KHDRBS2: variants seen among roughly 807,000 people sequenced by gnomAD.
The protein encoded by KHDRBS2 is KH domain-containing, RNA-binding, signal transduction-associated protein 2.
KHDRBS2 carries 26 observed loss-of-function variants against 44.3 expected under a neutral mutation model. That is an observed-to-expected ratio of 0.59 (90% CI 0.43 to 0.81). KHDRBS2 has a LOEUF of 0.81. Ranked by LOEUF, KHDRBS2 falls within the 40% of genes least tolerant of loss-of-function variation. The pLI is 0.00. For synonymous variants in KHDRBS2, 194 were observed against 151.1 expected (o/e 1.28, Z -2.08); for missense variants, 476 against 433.1 (o/e 1.10, Z -0.88).
intron 3 of KHDRBS2, among the ~76,000 whole-genome samples, chr6:62,013,067 T>A (rs920874297): frequency 6.6e-5 from 10 of 152,188 alleles, no homozygotes; most frequent in Admixed American, 6.5e-4. Context: ...GCTTCTTCAC[T>A]GTAAAAATAT....
intron 1 of KHDRBS2, among the ~76,000 whole-genome samples, chr6:62,212,828 T>C (rs1223121945): frequency 1.3e-5 from 2 of 152,016 alleles, no homozygotes; most frequent in South Asian, 4.1e-4. Context: ...TTTTAAACTA[T>C]ACAGTTTTTG....
intron 1 of KHDRBS2, among the ~76,000 whole-genome samples, chr6:62,186,995 T>C (rs1823569400): frequency 1.3e-5 from 2 of 152,104 alleles, no homozygotes; most frequent in African/African-American, 4.8e-5. Flanking sequence ...GGACACATAT[T>C]TCTCCTTGCT....
the KHDRBS2 span, among the ~76,000 whole-genome samples, chr6:61,618,330 G>A: frequency 1.3e-5 from 2 of 152,128 alleles, no homozygotes; most frequent in Admixed American, 1.3e-4. Context: ...TCTTTAGGCC[G>A]CATGCATGAC....
rs370368473 is a variant in KHDRBS2, at chr6:62,063,324, C to T, written c.220-15330G>A. Among the ~76,000 whole-genome samples, 31 of 150,912 alleles carry T rather than the reference C, an allele frequency of 2.1e-4. No individual in the cohort carries two copies. In the East Asian group the frequency reaches 3.0e-3, roughly 14 times the overall value. On this transcript the variant is annotated intron_variant, in intron 2 of 8. Coordinates refer to ENST00000281156, the MANE Select transcript of KHDRBS2 (RefSeq NM_152688.4). ...TACCAAAGCCGGGCAGAGACACAAC[C>T]GAACAAGAGAATTTTAGACCAATAT...
chr6:62,020,940 T>G (rs190200880), intron 3 of KHDRBS2, among the ~76,000 whole-genome samples: 84 of 152,152 alleles, frequency 5.5e-4, no homozygotes, highest in African/African-American at 1.9e-3. Context: ...ATATGTGCAT[T>G]GCAGCACTAT....
intron 1 of KHDRBS2, among the ~76,000 whole-genome samples, chr6:62,236,908 TC>T (rs1168882306): frequency 6.6e-6 from 1 of 152,072 alleles, no homozygotes; most frequent in African/African-American, 2.4e-5. Flanking sequence ...GGAATTATCT[TC>T]ATTTTTTTCA....
At chr6:62,014,633 C>T (rs1050464139) in intron 3 of KHDRBS2, among the ~76,000 whole-genome samples, 3 of 152,084 alleles carry the variant, frequency 2.0e-5, no homozygotes, top group African/African-American at 7.2e-5. Flanking sequence ...ATTTAAGCAA[C>T]ATGAAATCCA....
chr6:62,205,155 C>G (rs1418391642), intron 1 of KHDRBS2, among the ~76,000 whole-genome samples: 1 of 152,010 alleles, frequency 6.6e-6, no homozygotes, highest in African/African-American at 2.4e-5. Context: ...TTTCAAAATA[C>G]CTTGTGGGAC....
chr6:61,693,361 C>T (rs569923674), intron 8 of KHDRBS2, among the ~76,000 whole-genome samples: 1 of 152,150 alleles, frequency 6.6e-6, no homozygotes, highest in East Asian at 1.9e-4. Flanking sequence ...TTTAATTGGG[C>T]TGCAAGGTTA....
chr6:62,077,965 G>A (rs539743463), intron 2 of KHDRBS2, among the ~76,000 whole-genome samples: 4 of 152,086 alleles, frequency 2.6e-5, no homozygotes, highest in South Asian at 2.1e-4. Flanking sequence ...TTCTAAGTAC[G>A]TTTACAACAT....
At chr6:62,101,695 A>G (rs1342387269) in intron 2 of KHDRBS2, among the ~76,000 whole-genome samples, 2 of 152,216 alleles carry the variant, frequency 1.3e-5, no homozygotes, top group Non-Finnish European at 2.9e-5. Flanking sequence ...AATGAAAGAA[A>G]CATAAGTAAA....
intron 6 of KHDRBS2, among the ~76,000 whole-genome samples, chr6:61,749,434 T>C (rs1384896429): frequency 6.6e-6 from 1 of 152,214 alleles, no homozygotes; most frequent in Admixed American, 6.5e-5. Flanking sequence ...ATATGTTTTC[T>C]TCTTTAGTTC....
intron 6 of KHDRBS2, among the ~76,000 whole-genome samples, chr6:61,840,024 TTTG>T (rs1452467711): frequency 6.6e-6 from 1 of 152,070 alleles, no homozygotes; most frequent in African/African-American, 2.4e-5. Flanking sequence ...TATTCAGTTT[TTTG>T]TTACCTTTTA....
At chr6:62,127,947 G>C (rs1425311854) in intron 2 of KHDRBS2, among the ~76,000 whole-genome samples, 2 of 152,140 alleles carry the variant, frequency 1.3e-5, no homozygotes, top group Admixed American at 1.3e-4. Context: ...GTGCTGAGAA[G>C]CTACTGACAG....
chr6:61,550,222 A>C, the KHDRBS2 span, among the ~76,000 whole-genome samples: 1 of 151,964 alleles, frequency 6.6e-6, no homozygotes, highest in African/African-American at 2.4e-5. Flanking sequence ...GTCAGGTCCC[A>C]GTGTCTGTTT....
At chr6:62,203,700 T>C (rs1827439011) in intron 1 of KHDRBS2, among the ~76,000 whole-genome samples, 1 of 152,068 alleles carries the variant, frequency 6.6e-6, no homozygotes, top group South Asian at 2.1e-4. Flanking sequence ...TATATAAAAG[T>C]TACGTTTAAG....
chr6:61,879,063 T>C (rs1410172954), intron 6 of KHDRBS2, among the ~76,000 whole-genome samples: 1 of 151,994 alleles, frequency 6.6e-6, no homozygotes, highest in Non-Finnish European at 1.5e-5. Context: ...TTTTCTATCC[T>C]GACTACTATA....
intron 3 of KHDRBS2, among the ~76,000 whole-genome samples, chr6:62,012,201 T>A (rs1562640137): frequency 1.3e-5 from 2 of 152,184 alleles, no homozygotes; most frequent in Admixed American, 6.5e-5. Context: ...CCAAGAGTAA[T>A]CTTGATTATT....
rs868623618 is a variant in KHDRBS2 at position 62,008,478 on chromosome 6, T to C, written c.337-30266A>G. 2.0e-5 allele frequency among the ~76,000 whole-genome samples: 3 copies of C among 152,328 alleles called. No homozygotes were observed. The Middle Eastern group carries it at 0.01, about 518-fold the overall frequency. On this transcript the variant is annotated intron_variant, in intron 3 of 8. Coordinates refer to ENST00000281156, the MANE Select transcript of KHDRBS2 (RefSeq NM_152688.4). Reference sequence around the variant, plus strand: ...TAGTTAACTATGATGGCTATGATTATCCTTATTACAAGTCTACAGATTTGA... The same window carrying C: ...TAGTTAACTATGATGGCTATGATTACCCTTATTACAAGTCTACAGATTTGA...
Sources: gnomAD v4.1 joint callset for allele counts (sites outside exome capture counted in the v4.1 genomes callset) on GRCh38, gnomAD v4.1.1 for gene constraint, MANE v1.5 for transcripts, NCBI Gene and HGNC (gene_info 2026-07-23, HGNC 2026-07-21) for gene names.